GRIN2A: variants seen among roughly 807,000 people sequenced by gnomAD.
GRIN2A encodes glutamate receptor ionotropic, NMDA 2A.
In GRIN2A, 22 loss-of-function variants were observed where a neutral mutation model predicts 113.4. The ratio of observed to expected loss-of-function variants is 0.19; its 90% CI spans 0.14 to 0.28. The LOEUF (loss-of-function observed/expected upper bound fraction) is 0.28, where lower values mean the gene tolerates loss of function less well. Ranked by LOEUF, GRIN2A falls within the 10% of genes least tolerant of loss-of-function variation. The probability of loss-of-function intolerance (pLI) is 1.00; values close to 1 mark genes in which losing one functional copy is unlikely to be tolerated. For synonymous variants in GRIN2A, 827 were observed against 738.4 expected (o/e 1.12, Z -1.94); for missense variants, 1,502 against 1,887.0 (o/e 0.80, Z 3.78).
Position 9,763,392 on chromosome 16 carries a change from C to T in GRIN2A, c.4152G>A (p.Ser1384=), listed in dbSNP as rs747359798. ...DQRLVIGRCP[S]DPYKHSLPSQ... The stretch of plus-strand genomic sequence containing the variant: ...ATGGCAACGAGTGTTTGTAAGGGTC[C>T]GAGGGGCATCTCCCAATAACCAAGC... Residue 1384 remains serine, a synonymous_variant, in exon 13 of 13, where the codon TCG becomes TCA. Coordinates refer to ENST00000330684, the MANE Select transcript of GRIN2A (RefSeq NM_001134407.3). The T allele has an allele frequency of 8.7e-6, 14 of 1,614,072 alleles. No homozygotes were observed. The South Asian group carries it at 1.1e-4, about 13-fold the overall frequency.
chr16:9,999,118 C>T (rs1353364942), intron 2 of GRIN2A, among the ~76,000 whole-genome samples: 1 of 152,156 alleles, frequency 6.6e-6, no homozygotes, highest in Non-Finnish European at 1.5e-5. Context: ...CTGAAAGCAG[C>T]TTCCCAGGCA....
intron 2 of GRIN2A, among the ~76,000 whole-genome samples, chr16:9,960,645 G>C (rs1302120853): frequency 6.6e-6 from 1 of 152,028 alleles, no homozygotes; most frequent in Non-Finnish European, 1.5e-5. Context: ...ATTTATTTCA[G>C]ACAAGGTCTG....
chr16:9,831,045 A>G (rs1422894438), intron 8 of GRIN2A, among the ~76,000 whole-genome samples: 1 of 152,226 alleles, frequency 6.6e-6, no homozygotes, highest in Non-Finnish European at 1.5e-5. Flanking sequence ...ACTGGGCCAT[A>G]TAACTTTTCC....
intron 2 of GRIN2A, among the ~76,000 whole-genome samples, chr16:9,961,722 A>C (rs2045446494): frequency 6.6e-6 from 1 of 152,228 alleles, no homozygotes; most frequent in Non-Finnish European, 1.5e-5. Context: ...TTATAGATTC[A>C]ATGCCATCCC....
In GRIN2A at chr16:9,882,922, A is replaced by G. The variant is rs541939041; in HGVS notation, c.1122+8064T>C. On this transcript the variant is annotated intron_variant, in intron 4 of 12. Coordinates refer to ENST00000330684, the MANE Select transcript of GRIN2A (RefSeq NM_001134407.3). ...CAGACACCTTTCTAAGGGTAGGAGGAGGAACTCCCTAAATTTCTCCTCTAG... is the reference window on the plus strand; with the variant it reads ...CAGACACCTTTCTAAGGGTAGGAGGGGGAACTCCCTAAATTTCTCCTCTAG... Among the ~76,000 whole-genome samples the G allele has an allele frequency of 1.8e-4, 28 of 152,322 alleles. 1 individual carries two copies. The South Asian group carries it at 5.6e-3, about 30-fold the overall frequency.
chr16:9,911,783 GA>G (rs1381302021), intron 3 of GRIN2A, among the ~76,000 whole-genome samples: 2 of 152,194 alleles, frequency 1.3e-5, no homozygotes, highest in Admixed American at 1.3e-4. Context: ...TAATTCTACA[GA>G]AAAAAACCTG....
At chr16:9,886,362 T>G (rs1304508395) in intron 4 of GRIN2A, among the ~76,000 whole-genome samples, 2 of 152,126 alleles carry the variant, frequency 1.3e-5, no homozygotes, top group African/African-American at 4.8e-5. Context: ...AAGAAAATAT[T>G]ATAGGCAACA....
chr16:10,119,988 G>A (rs2048803985), intron 2 of GRIN2A, among the ~76,000 whole-genome samples: 1 of 152,174 alleles, frequency 6.6e-6, no homozygotes, highest in Non-Finnish European at 1.5e-5. Context: ...TACCATTGAT[G>A]GGCGTTTAGG....
intron 2 of GRIN2A, among the ~76,000 whole-genome samples, chr16:10,093,868 G>C (rs961722622): frequency 1.3e-5 from 2 of 152,180 alleles, no homozygotes; most frequent in African/African-American, 4.8e-5. Flanking sequence ...CCGTAGGGAA[G>C]AGATTGTCTG....
chr16:9,769,620 A>G (rs9932880), intron 11 of GRIN2A, among the ~76,000 whole-genome samples: 2,073 of 152,094 alleles, frequency 0.014, 55 homozygotes, highest in African/African-American at 0.046. Context: ...TGCTAGCTGC[A>G]TGGCCTCGGA....
chr16:10,161,834 C>G (rs1457054800), intron 2 of GRIN2A, among the ~76,000 whole-genome samples: 1 of 152,162 alleles, frequency 6.6e-6, no homozygotes, highest in Non-Finnish European at 1.5e-5. Context: ...CCTCCATCTT[C>G]AAAGTGCATC....
At chr16:9,870,294 T>C (rs1403186950) in intron 4 of GRIN2A, among the ~76,000 whole-genome samples, 1 of 152,216 alleles carries the variant, frequency 6.6e-6, no homozygotes, top group Non-Finnish European at 1.5e-5. Context: ...TCTTGGATCC[T>C]TGTGTCAAAC....
chr16:9,838,204 A>G (rs1281017415), intron 7 of GRIN2A, among the ~76,000 whole-genome samples: 4 of 152,192 alleles, frequency 2.6e-5, no homozygotes, highest in African/African-American at 9.6e-5. Context: ...TAAGAAAGTT[A>G]GTTGACTTTA....
intron 4 of GRIN2A, among the ~76,000 whole-genome samples, chr16:9,861,826 T>C (rs1052051706): frequency 1.7e-4 from 26 of 152,230 alleles, no homozygotes; most frequent in Admixed American, 4.6e-4. Flanking sequence ...GAGCCTTGGA[T>C]GGCTACCGGC....
chr16:9,778,009 G>C (rs1204526960), intron 11 of GRIN2A, among the ~76,000 whole-genome samples: 1 of 152,198 alleles, frequency 6.6e-6, no homozygotes, highest in Non-Finnish European at 1.5e-5. Flanking sequence ...AGGTTGCAGG[G>C]AGCTGAGATC....
intron 2 of GRIN2A, among the ~76,000 whole-genome samples, chr16:10,035,214 C>T (rs979734815): frequency 1.3e-5 from 2 of 152,038 alleles, no homozygotes; most frequent in Non-Finnish European, 2.9e-5. Context: ...TTTGTAGAGA[C>T]AGGGTCTTGC....
intron 8 of GRIN2A, 71 bp from the exon 9 acceptor site, chr16:9,829,723 A>T: frequency 1.1e-6 from 1 of 944,100 alleles, no homozygotes; most frequent in Non-Finnish European, 1.7e-6. Flanking sequence ...ACAACCACGC[A>T]GCAGCCACCA....
intron 3 of GRIN2A, among the ~76,000 whole-genome samples, chr16:9,934,219 A>C (rs1000181946): frequency 2.6e-5 from 4 of 152,024 alleles, no homozygotes; most frequent in South Asian, 4.1e-4. Flanking sequence ...TCTTTTTTCA[A>C]TATTAAAAAA....
chr16:9,968,409 G>A (rs998176088), intron 2 of GRIN2A, among the ~76,000 whole-genome samples: 3 of 152,162 alleles, frequency 2.0e-5, no homozygotes, highest in Non-Finnish European at 2.9e-5. Flanking sequence ...CGCCTCCCGG[G>A]TTCAAGCAAT....
Sources: allele counts gnomAD v4.1 joint callset (sites outside exome capture counted in the v4.1 genomes callset), GRCh38; gene constraint gnomAD v4.1.1; transcripts MANE v1.5; gene names NCBI Gene and HGNC (gene_info 2026-07-23, HGNC 2026-07-21).